The following EPSTI1 variants were observed in gnomAD, a reference collection of about 807,000 sequenced individuals.
The protein encoded by EPSTI1 is epithelial-stromal interaction protein 1.
EPSTI1 carries 66 observed loss-of-function variants against 49.9 expected under a neutral mutation model. The observed-to-expected ratio is 1.32, with a 90% CI of 1.08 to 1.62. EPSTI1 has a LOEUF of 1.62. EPSTI1 is among the 40% of genes most tolerant of loss of function. The pLI, the probability that EPSTI1 is intolerant of heterozygous loss-of-function variation, is 0.00. For synonymous variants in EPSTI1, 137 were observed against 130.7 expected (o/e 1.05, Z -0.33); for missense variants, 394 against 365.5 (o/e 1.08, Z -0.64).
At chr13:42,939,432 CAT>C (rs56263712) in intron 6 of EPSTI1, among the ~76,000 whole-genome samples, 63,784 of 151,858 alleles carry the variant, frequency 0.42, 14,208 homozygotes, top group Non-Finnish European at 0.51. Flanking sequence ...AAATGAGAGA[CAT>C]GTGATATTTC....
chr13:42,965,147 T>C (rs892033953), intron 3 of EPSTI1, among the ~76,000 whole-genome samples: 11 of 152,230 alleles, frequency 7.2e-5, no homozygotes, highest in Non-Finnish European at 1.3e-4. Context: ...TTTTCTCTAA[T>C]GTTACAGCAA....
At chr13:42,929,851 T>C (rs2038305078) in intron 6 of EPSTI1, among the ~76,000 whole-genome samples, 1 of 152,192 alleles carries the variant, frequency 6.6e-6, no homozygotes, top group Admixed American at 6.5e-5. Flanking sequence ...ATGGTGGTGT[T>C]TACTAGGGAA....
At chr13:42,925,400 C>T (rs182014627) in intron 7 of EPSTI1, among the ~76,000 whole-genome samples, 4 of 152,216 alleles carry the variant, frequency 2.6e-5, no homozygotes, top group South Asian at 2.1e-4. Context: ...ACCATGAGCA[C>T]GCAGTATGCG....
chr13:42,903,822 T>TA (rs2037427441), intron 8 of EPSTI1, among the ~76,000 whole-genome samples: 1 of 152,204 alleles, frequency 6.6e-6, no homozygotes, highest in Admixed American at 6.5e-5. Flanking sequence ...TGAATTTATT[T>TA]ATAAACTTGG....
chr13:42,989,561 T>TTC (rs35639107), intron 1 of EPSTI1, among the ~76,000 whole-genome samples: 7 of 105,032 alleles, frequency 6.7e-5, no homozygotes, highest in African/African-American at 2.2e-4. Flanking sequence ...CTTTATCCTC[T>TTC]TTTTTCTTTT....
intron 3 of EPSTI1, among the ~76,000 whole-genome samples, chr13:42,967,289 T>TAAAAAAAAAAA (rs747737457): frequency 4.6e-4 from 13 of 28,538 alleles, no homozygotes; most frequent in Non-Finnish European, 7.7e-4. Context: ...AAAAATAAAT[T>TAAAAAAAAAAA]AAAAAAAAAA....
chr13:42,946,198 G>C (rs1040234042), intron 6 of EPSTI1, among the ~76,000 whole-genome samples: 1 of 152,184 alleles, frequency 6.6e-6, no homozygotes, highest in Non-Finnish European at 1.5e-5. Flanking sequence ...GACTAAAATA[G>C]ATGAAGATGT....
At chr13:42,913,999 C>A (rs1017766664) in intron 8 of EPSTI1, among the ~76,000 whole-genome samples, 1 of 152,178 alleles carries the variant, frequency 6.6e-6, no homozygotes, top group African/African-American at 2.4e-5. Flanking sequence ...CTTGCTTCCC[C>A]TTTGGCTTCT....
At chr13:42,969,251 G>T in intron 2 of EPSTI1, 74 bp from the exon 3 acceptor site, 1 of 1,423,672 alleles carries the variant, frequency 7.0e-7, no homozygotes, top group African/African-American at 1.4e-5. Flanking sequence ...CAAAGCATAA[G>T]AAACAACTAT....
At chr13:42,963,603 T>C (rs894439669) in intron 4 of EPSTI1, 2 of 474,948 alleles carry the variant, frequency 4.2e-6, no homozygotes, top group Admixed American at 4.0e-5. Flanking sequence ...TCTCTCTCTG[T>C]GTGTATGTGT....
chr13:42,941,062 T>G (rs574825652), intron 6 of EPSTI1, among the ~76,000 whole-genome samples: 2 of 152,312 alleles, frequency 1.3e-5, no homozygotes, highest in South Asian at 2.1e-4. Flanking sequence ...ATTTTAAAAT[T>G]TTTACGTACT....
At chr13:42,891,224 AG>A (rs1254604259) in intron 10 of EPSTI1, among the ~76,000 whole-genome samples, 1 of 152,184 alleles carries the variant, frequency 6.6e-6, no homozygotes, top group African/African-American at 2.4e-5. Flanking sequence ...TTTAATTCAA[AG>A]TCATGTTTAC....
intron 1 of EPSTI1, among the ~76,000 whole-genome samples, chr13:42,990,203 G>C (rs953720683): frequency 6.6e-6 from 1 of 150,452 alleles, no homozygotes; most frequent in Non-Finnish European, 1.5e-5. Flanking sequence ...GGAAGACTCT[G>C]TGAGAGATAA....
intron 8 of EPSTI1, among the ~76,000 whole-genome samples, chr13:42,914,775 A>G (rs965636926): frequency 2.6e-5 from 4 of 152,220 alleles, no homozygotes; most frequent in African/African-American, 9.6e-5. Flanking sequence ...CGTGTGCTCT[A>G]TCATCTTCTT....
In EPSTI1 at chr13:42,888,435, G is replaced by T. The variant is rs1169862896; in HGVS notation, c.*59C>A. 4 of 1,613,916 alleles carry T rather than the reference G, an allele frequency of 2.5e-6. No homozygotes were observed. The highest frequency in any genetic ancestry group is 3.4e-6 in the Non-Finnish European group (4 of 1,179,956). ...CTGAACAAAATCACATTAAGAAAAAGCATCTCATGAGGCTTTTCGAGGTCA... is the reference window on the plus strand; with the variant it reads ...CTGAACAAAATCACATTAAGAAAAATCATCTCATGAGGCTTTTCGAGGTCA... On this transcript the variant is annotated 3_prime_UTR_variant, in exon 11 of 11. Transcript: ENST00000313624.
At chr13:42,941,654 CAG>C (rs2038755598) in intron 6 of EPSTI1, among the ~76,000 whole-genome samples, 1 of 149,264 alleles carries the variant, frequency 6.7e-6, no homozygotes, top group Non-Finnish European at 1.5e-5. Context: ...TTTAAGTAAA[CAG>C]ACTATAATTT....
intron 6 of EPSTI1, among the ~76,000 whole-genome samples, chr13:42,945,082 C>A (rs981379987): frequency 6.6e-6 from 1 of 152,194 alleles, no homozygotes; most frequent in Non-Finnish European, 1.5e-5. Flanking sequence ...TGTTCTCACA[C>A]TGCTAATAAA....
chr13:42,900,369 T>A lies in EPSTI1; in HGVS notation c.756A>T (p.Glu252Asp). The change falls in exon 9 of 11, where the codon GAA becomes GAT. Residue 252 changes from glutamate (E) to aspartate (D), a missense_variant. Transcript: ENST00000313624. ...DEQHQKSELL[E>D]LKRQQQEQER... The stretch of plus-strand genomic sequence containing the variant: ...CTTGCTCTTGCTGCTGCCGTTTCAG[T>A]TCCAGTAATTCACTCTAGGAACAAT... 6.2e-7 allele frequency: 1 copy of A among 1,613,708 alleles called. No individual in the cohort carries two copies. Among genetic ancestry groups the A allele is most frequent in the East Asian group, 2.2e-5 (1 of 44,830 alleles).
At chr13:42,977,032 T>C (rs1424989069) in intron 1 of EPSTI1, among the ~76,000 whole-genome samples, 1 of 152,202 alleles carries the variant, frequency 6.6e-6, no homozygotes, top group Non-Finnish European at 1.5e-5. Context: ...CACTCAACTA[T>C]TGCAACTGTT....
Sources: gnomAD v4.1 joint callset for allele counts (sites outside exome capture counted in the v4.1 genomes callset) on GRCh38, gnomAD v4.1.1 for gene constraint, MANE v1.5 for transcripts, NCBI Gene and HGNC (gene_info 2026-07-23, HGNC 2026-07-21) for gene names.